Variants in SRPK3 observed in about 807,000 individuals in gnomAD.
SRPK3 encodes the protein SRSF protein kinase 3, also known as SFRS protein kinase 3.
Under a neutral mutation model 45.3 loss-of-function variants are expected in SRPK3, and 26 were observed. That is an observed-to-expected ratio of 0.57 (90% CI 0.42 to 0.80). The LOEUF (loss-of-function observed/expected upper bound fraction) is 0.80, where lower values mean the gene tolerates loss of function less well. Ranked by LOEUF, SRPK3 falls within the 30% of genes least tolerant of loss-of-function variation. The probability of loss-of-function intolerance (pLI) is 0.00; values close to 1 mark genes in which losing one functional copy is unlikely to be tolerated. For missense variants in SRPK3, 536 were observed against 514.5 expected (o/e 1.04, Z -0.40); for synonymous variants, 254 against 226.6 (o/e 1.12, Z -1.09).
intron 5 of SRPK3, 114 bp downstream of exon 5, chrX:153,782,322 G>GT: frequency 1.6e-6 from 1 of 635,428 alleles, no homozygotes; most frequent in Non-Finnish European, 2.5e-6. Flanking sequence ...ATCCCTCCCA[G>GT]TAACGGGAGC....
Position 153,785,324 on chromosome X carries a change from G to C in SRPK3, c.1520-12G>C. 1 of 1,201,992 alleles carries C rather than the reference G, an allele frequency of 8.3e-7. No individual in the cohort carries two copies. On this transcript the variant is annotated splice_polypyrimidine_tract_variant and intron_variant, in intron 14 of 14. Transcript: ENST00000370101. ...CAGGGACAGAGCCTGACGCCCGCTG[G>C]CCTGCCCGCAGGAGAGCTGCGGCAC... is the stretch of plus-strand genomic sequence containing the variant.
In SRPK3 at chrX:153,784,352, G is replaced by C. The variant is rs367892708; in HGVS notation, c.1206G>C (p.Lys402Asn). 5.0e-6 allele frequency: 6 copies of C among 1,210,128 alleles called. No homozygotes were observed. The highest frequency in any genetic ancestry group is 6.7e-6 in the Non-Finnish European group (6 of 895,325). ...CCCTGGAGCCCCAAAATGCAGATAA[G>C]ATCAAGATCAAGATCGCAGACCTGG... ...VNPLEPQNAD[K>N]IKIKIADLGN... The change falls in exon 11 of 15, where the codon AAG (lysine) becomes AAC (asparagine). Residue 402 changes from lysine to asparagine, a missense_variant. Physicochemically the swap from Lys to Asn is moderately conservative, Grantham distance 94. Coordinates refer to ENST00000370101, the MANE Select transcript of SRPK3 (RefSeq NM_014370.4).
At position 153,782,829 on chromosome X, in the gene SRPK3, C is replaced by T; in HGVS notation, c.533C>T (p.Ser178Phe). 2.5e-6 allele frequency: 3 copies of T among 1,211,177 alleles called. No homozygotes were observed. The highest frequency in any genetic ancestry group is 3.4e-6 in the Non-Finnish European group (3 of 895,387). ...CAGCTCCTCAAATGGATCATCAAGT[C>T]CAACTACCAGGGCCTGCCCGTGCCC... ...GHQLLKWIIKSNYQGLPVPCV... is the reference protein window; with the variant it reads ...GHQLLKWIIKFNYQGLPVPCV... Residue 178 changes from serine to phenylalanine, a missense_variant, in exon 6 of 15, where the codon TCC becomes TTC. Coordinates refer to ENST00000370101, the MANE Select transcript of SRPK3 (RefSeq NM_014370.4).
intron 5 of SRPK3, 140 bp downstream of exon 5, chrX:153,782,348 G>T: frequency 2.0e-6 from 1 of 505,496 alleles, no homozygotes; most frequent in Non-Finnish European, 3.4e-6. Flanking sequence ...GCACGACCCC[G>T]CCCCCAGGTA....
intron 14 of SRPK3, 53 bp downstream of exon 14, chrX:153,785,226 G>A: frequency 8.6e-7 from 1 of 1,163,440 alleles, no homozygotes; most frequent in Non-Finnish European, 1.2e-6. Flanking sequence ...GTGGGACGGG[G>A]ACCTTGGATT....
At chrX:153,781,922 AG>A (rs2092054718) in intron 4 of SRPK3, 92 bp downstream of exon 4, 7 of 1,052,464 alleles carry the variant, frequency 6.7e-6, no homozygotes, top group Non-Finnish European at 6.5e-6. Context: ...TCTGTGGGGC[AG>A]GGCGGGGCTC....
At position 153,781,938 on chromosome X, in the gene SRPK3, AG is replaced by A. The variant is rs1557067067; in HGVS notation, c.387+112del. The A allele has an allele frequency of 4.1e-6, 4 of 983,596 alleles. No homozygotes were observed. In the African/African-American group the frequency reaches 7.6e-5, roughly 19 times the overall value. The allele number at this position is 983,596 out of a possible 1,213,427, so 81.1% of individuals were successfully genotyped here. A position where few individuals can be genotyped will look rare whatever the true frequency, so the allele number is the denominator to read the frequency against. On this transcript the variant is annotated intron_variant, in intron 4 of 14. Transcript: ENST00000370101. ...CTGTGGGGCAGGGCGGGGCTCCCTG[AG>A]GGGCAGCCTCCAGCTGGCTGTGCCC... is the stretch of plus-strand genomic sequence containing the variant.
chrX:153,783,099 G>A lies in SRPK3; in HGVS notation c.729G>A (p.Pro243=). 2 of 1,164,039 alleles carry A rather than the reference G, an allele frequency of 1.7e-6. No individual in the cohort carries two copies. Among genetic ancestry groups the A allele is most frequent in the Non-Finnish European group, 2.3e-6 (2 of 873,367 alleles). Residue 243 remains proline, a synonymous_variant, in exon 7 of 15, where the codon CCG becomes CCA. Coordinates refer to ENST00000370101, the MANE Select transcript of SRPK3 (RefSeq NM_014370.4). ...EATEWQQAGA[P]PPSRSIVSTA... is the part of the protein sequence containing the mutation. ...CGGAGTGGCAACAGGCAGGGGCGCC[G>A]CCCCCCTCCCGCTCCATAGGTACCA...
Position 153,782,863 on chromosome X carries a change from G to A in SRPK3, c.567G>A (p.Lys189=), listed in dbSNP as rs377537270. The A allele has an allele frequency of 5.7e-5, 69 of 1,209,043 alleles. No homozygotes were observed. Among genetic ancestry groups the A allele is most frequent in the Non-Finnish European group, 7.6e-5 (68 of 894,464 alleles). Residue 189 remains lysine (K), a synonymous_variant, in exon 6 of 15, where the codon AAG becomes AAA. Coordinates refer to ENST00000370101, the MANE Select transcript of SRPK3 (RefSeq NM_014370.4). ...NYQGLPVPCV[K]SIVRQVLHGL... is the part of the protein sequence containing the mutation. ...AGGGCCTGCCCGTGCCCTGCGTGAA[G>A]AGCATCGTGAGGCAGGTGAGTGCCA...
In SRPK3 at chrX:153,783,720, C is replaced by CA. The variant is rs782513082; in HGVS notation, c.775-31dup. The CA allele has an allele frequency of 3.3e-6, 4 of 1,207,989 alleles. No homozygotes were observed. In the Admixed American group the frequency reaches 8.7e-5, roughly 26 times the overall value. On this transcript the variant is annotated intron_variant, in intron 8 of 14. Transcript: ENST00000370101. ...ACTTCATGCTGACTGGGGCGGGCGA[C>CA]AGGAACCCTGGGGTGACCCTGGCTC...
intron 2 of SRPK3, 40 bp from the exon 3 acceptor site, chrX:153,781,465 G>C (rs368532012): frequency 2.3e-5 from 27 of 1,189,715 alleles, no homozygotes; most frequent in Non-Finnish European, 2.9e-5. Flanking sequence ...CCAGGGGAGT[G>C]AGAACCCCCT....
At position 153,781,850 on chromosome X, in the gene SRPK3, C is replaced by T. The variant is rs141847845; in HGVS notation, c.387+20C>T. ...AAATGTGTGAGGCACCTCCCTACCC[C>T]ACTCCCAGCTCCCCTGGAGCTGCCT... On this transcript the variant is annotated intron_variant, in intron 4 of 14. Transcript: ENST00000370101. 2,398 of 1,204,588 alleles carry T rather than the reference C, an allele frequency of 2.0e-3. 24 individuals are homozygous for T. The East Asian group carries it at 0.024, about 12-fold the overall frequency.
At position 153,785,089 on chromosome X, in the gene SRPK3, G is replaced by A. The variant is rs1405996958; in HGVS notation, c.1435G>A (p.Ala479Thr). The A allele has an allele frequency of 3.3e-6, 4 of 1,210,043 alleles. No homozygotes were observed. The highest frequency in any genetic ancestry group is 3.4e-6 in the Non-Finnish European group (3 of 895,019). ...CCTCTTTCTGCCCACAGACCACATC[G>A]CTCACATAGTGGAGCTTCTGGGGGA... ...EDYSRDEDHI[A>T]HIVELLGDIP... The change falls in exon 14 of 15, where the codon GCT becomes ACT. Residue 479 changes from alanine (A) to threonine (T), a missense_variant. Coordinates refer to ENST00000370101, the MANE Select transcript of SRPK3 (RefSeq NM_014370.4).
intron 7 of SRPK3, 24 bp from the exon 8 acceptor site, chrX:153,783,194 CCCCCCCCA>C: frequency 1.3e-6 from 1 of 748,583 alleles, no homozygotes; most frequent in Non-Finnish European, 1.8e-6. Flanking sequence ...TCCTCCCTGT[CCCCCCCCA>C]CCGCTCCCCA....
At position 153,784,837 on chromosome X, in the gene SRPK3, A is replaced by G; in HGVS notation, c.1336A>G (p.Ile446Val). 8.3e-7 allele frequency: 1 copy of G among 1,211,299 alleles called. No homozygotes were observed. Among genetic ancestry groups the G allele is most frequent in the Non-Finnish European group, 1.1e-6 (1 of 895,487 alleles). ...IGAEYGPPAD[I>V]WSTACMAFEL... Reference sequence around the variant, plus strand: ...CGCCGAATACGGCCCCCCGGCAGACATCTGGAGCACAGCCTGCATGGTACG... The same window carrying G: ...CGCCGAATACGGCCCCCCGGCAGACGTCTGGAGCACAGCCTGCATGGTACG... The change falls in exon 12 of 15, where the codon ATC becomes GTC. Residue 446 changes from isoleucine (I) to valine (V), a missense_variant. Transcript: ENST00000370101.
intron 4 of SRPK3, 131 bp from the exon 5 acceptor site, chrX:153,781,990 C>A (rs1237457688): frequency 5.8e-6 from 5 of 867,663 alleles, no homozygotes; most frequent in African/African-American, 2.0e-5. Context: ...GAGGAACAGG[C>A]GAGGGACAGG....
intron 5 of SRPK3, among the ~76,000 whole-genome samples, chrX:153,782,495 A>G (rs2092058117): frequency 8.8e-6 from 1 of 113,699 alleles, no homozygotes; most frequent in South Asian, 3.5e-4. Context: ...TGGCATAACT[A>G]GCATGGGAGT....
In SRPK3 at chrX:153,782,945, C is replaced by T; in HGVS notation, c.583-8C>T. On this transcript the variant is annotated splice_polypyrimidine_tract_variant and splice_region_variant and intron_variant, in intron 6 of 14. Transcript: ENST00000370101. Reference sequence around the variant, plus strand: ...GAGTTGGAGGAGGTCAGGTGCGACTCTCTGCAGGTGCTGCACGGCCTGGAC... The same window carrying T: ...GAGTTGGAGGAGGTCAGGTGCGACTTTCTGCAGGTGCTGCACGGCCTGGAC... 8.4e-7 allele frequency: 1 copy of T among 1,187,218 alleles called. No individual in the cohort carries two copies. The highest frequency in any genetic ancestry group is 1.1e-6 in the Non-Finnish European group (1 of 880,970).
Position 153,785,006 on chromosome X carries a change from A to G in SRPK3, c.1426+3A>G. On this transcript the variant is annotated splice_donor_region_variant and intron_variant, in intron 13 of 14. Coordinates refer to ENST00000370101, the MANE Select transcript of SRPK3 (RefSeq NM_014370.4). ...AGAAGACTACAGTCGTGATGAGGGT[A>G]AGGGGTGAGGGCTCTGGGCTCAGCC... The G allele has an allele frequency of 1.7e-6, 2 of 1,211,164 alleles. No individual in the cohort carries two copies. The highest frequency in any genetic ancestry group is 2.2e-6 in the Non-Finnish European group (2 of 895,248).
Sources: allele counts gnomAD v4.1 joint callset (sites outside exome capture counted in the v4.1 genomes callset), GRCh38; gene constraint gnomAD v4.1.1; transcripts MANE v1.5; gene names NCBI Gene and HGNC (gene_info 2026-07-23, HGNC 2026-07-21).